The following IPCEF1 variants were observed in gnomAD, a reference collection of about 807,000 sequenced individuals.
IPCEF1 encodes the protein interaction protein for cytohesin exchange factors 1, also known as interactor protein for cytohesin exchange factors 1.
IPCEF1 carries 31 observed loss-of-function variants against 50.9 expected under a neutral mutation model. The observed-to-expected ratio is 0.61, with a 90% CI of 0.46 to 0.82. IPCEF1 has a LOEUF of 0.82. Ranked by LOEUF, IPCEF1 falls within the 40% of genes least tolerant of loss-of-function variation. The pLI is 0.00. For missense variants in IPCEF1, 458 were observed against 514.0 expected (o/e 0.89, Z 1.05); for synonymous variants, 181 against 192.0 (o/e 0.94, Z 0.47).
chr6:154,205,646 T>C (rs1431636397), intron 9 of IPCEF1, among the ~76,000 whole-genome samples: 1 of 152,164 alleles, frequency 6.6e-6, no homozygotes, highest in Admixed American at 6.5e-5. Flanking sequence ...TTATGTATTA[T>C]TATTTAATTA....
chr6:154,312,494 G>A (rs547156143), intron 1 of IPCEF1, among the ~76,000 whole-genome samples: 5 of 151,870 alleles, frequency 3.3e-5, no homozygotes, highest in African/African-American at 7.3e-5. Flanking sequence ...CTACAGGCAC[G>A]CACCACCACA....
intron 1 of IPCEF1, among the ~76,000 whole-genome samples, chr6:154,319,723 T>C (rs967744893): frequency 3.3e-5 from 5 of 152,226 alleles, no homozygotes; most frequent in African/African-American, 1.2e-4. Context: ...AAGCAGCAAG[T>C]GGCTCCGGGT....
intron 3 of IPCEF1, among the ~76,000 whole-genome samples, chr6:154,262,839 C>A (rs184025162): frequency 7.7e-6 from 1 of 130,542 alleles, no homozygotes; most frequent in Non-Finnish European, 1.5e-5. Context: ...TGCAGTGATG[C>A]AATCTCAGCT....
At chr6:154,320,348 T>G (rs1384815490) in intron 1 of IPCEF1, among the ~76,000 whole-genome samples, 3 of 152,212 alleles carry the variant, frequency 2.0e-5, no homozygotes, top group Non-Finnish European at 2.9e-5. Flanking sequence ...TTTTGGCTAC[T>G]TCACAGCTCA....
intron 5 of IPCEF1, among the ~76,000 whole-genome samples, chr6:154,229,018 G>A (rs1779492210): frequency 1.3e-5 from 2 of 152,306 alleles, no homozygotes; most frequent in East Asian, 1.9e-4. Flanking sequence ...TTCAACTTAG[G>A]TGTGACCATT....
At chr6:154,219,613 A>G (rs1778691678) in intron 7 of IPCEF1, among the ~76,000 whole-genome samples, 1 of 152,102 alleles carries the variant, frequency 6.6e-6, no homozygotes, top group Admixed American at 6.5e-5. Context: ...TTTGCTAACC[A>G]ACAGGATTTA....
chr6:154,191,252 A>T (rs1464488479), intron 10 of IPCEF1, among the ~76,000 whole-genome samples: 1 of 152,198 alleles, frequency 6.6e-6, no homozygotes. Flanking sequence ...GGGTAGAAGG[A>T]TGAATAGATG....
At position 154,198,633 on chromosome 6, in the gene IPCEF1, C is replaced by CAT. The variant is rs1258780002; in HGVS notation, c.910+1034_910+1035insAT. On this transcript the variant is annotated intron_variant, in intron 10 of 11. Coordinates refer to ENST00000367220, the MANE Select transcript of IPCEF1 (RefSeq NM_001130700.2). The stretch of plus-strand genomic sequence containing the variant: ...TTACATACTTTTAAAATATTACATA[C>CAT]ACACACACACACACACACACACACA... 2.0e-4 allele frequency among the ~76,000 whole-genome samples: 22 copies of CAT among 107,432 alleles called. 1 individual carries two copies. Among genetic ancestry groups the CAT allele is most frequent in the African/African-American group, 5.3e-4 (10 of 18,866 alleles). The allele number at this position is 107,432 out of a possible 152,430, so 70.5% of individuals were successfully genotyped here.
chr6:154,159,887 C>T lies in IPCEF1; in HGVS notation c.1258G>A (p.Asp420Asn). The T allele has an allele frequency of 1.2e-6, 2 of 1,613,512 alleles. No individual in the cohort carries two copies. The highest frequency in any genetic ancestry group is 1.7e-6 in the Non-Finnish European group (2 of 1,179,886). ...GATTTCTTGAGTTCCTGGGGGGTGTCATCAGTGTCATCAGGGGCAGGCGAA... is the reference window on the plus strand; with the variant it reads ...GATTTCTTGAGTTCCTGGGGGGTGTTATCAGTGTCATCAGGGGCAGGCGAA... ...RASPAPDDTD[D>N]TPQELKKSPS... Residue 420 changes from aspartate (D) to asparagine (N), a missense_variant, in exon 12 of 12, where the codon GAC (aspartate) becomes AAC (asparagine). Coordinates refer to ENST00000367220, the MANE Select transcript of IPCEF1 (RefSeq NM_001130700.2).
intron 11 of IPCEF1, among the ~76,000 whole-genome samples, chr6:154,163,929 G>A (rs1030546714): frequency 3.3e-5 from 5 of 152,164 alleles, no homozygotes; most frequent in Admixed American, 6.5e-5. Context: ...AGTGCAGTAG[G>A]AAAGCAGAGG....
At chr6:154,335,411 C>A (rs1783767546) in intron 1 of IPCEF1, among the ~76,000 whole-genome samples, 1 of 152,236 alleles carries the variant, frequency 6.6e-6, no homozygotes, top group Non-Finnish European at 1.5e-5. Context: ...TATGCCTTTT[C>A]TCCAGTTAAT....
chr6:154,334,731 G>A (rs1783753233), intron 1 of IPCEF1, among the ~76,000 whole-genome samples: 1 of 152,188 alleles, frequency 6.6e-6, no homozygotes, highest in Admixed American at 6.5e-5. Context: ...CCTTGGACAG[G>A]CCACTTAACT....
intron 1 of IPCEF1, chr6:154,306,725 T>C (rs138443617): frequency 3.9e-5 from 6 of 152,308 alleles, no homozygotes; most frequent in Non-Finnish European, 7.3e-5. Flanking sequence ...AGTGCCTTCG[T>C]AGGTTTCTTG....
chr6:154,328,302 C>T (rs773727217), intron 1 of IPCEF1, among the ~76,000 whole-genome samples: 5 of 152,200 alleles, frequency 3.3e-5, no homozygotes, highest in Admixed American at 6.5e-5. Context: ...CTGATGAACA[C>T]TAGGCTTGCC....
chr6:154,172,281 G>T (rs1239943662), intron 10 of IPCEF1, among the ~76,000 whole-genome samples: 1 of 152,194 alleles, frequency 6.6e-6, no homozygotes, highest in Non-Finnish European at 1.5e-5. Flanking sequence ...ATCTCATTGG[G>T]ACTGGTTGGA....
intron 2 of IPCEF1, among the ~76,000 whole-genome samples, chr6:154,278,365 C>T (rs1050729906): frequency 5.3e-5 from 8 of 152,070 alleles, no homozygotes; most frequent in African/African-American, 1.2e-4. Flanking sequence ...TGGACAGGTC[C>T]GGGAGAATGA....
chr6:154,321,778 TA>T (rs61648946), intron 1 of IPCEF1, among the ~76,000 whole-genome samples: 5,755 of 51,784 alleles, frequency 0.11, 97 homozygotes, highest in East Asian at 0.32. Context: ...AGACTCTTTC[TA>T]AAAAAAAAAA....
At chr6:154,223,734 A>T (rs2128618875) in intron 5 of IPCEF1, among the ~76,000 whole-genome samples, 1 of 152,332 alleles carries the variant, frequency 6.6e-6, no homozygotes, top group South Asian at 2.1e-4. Context: ...GGTTGTTGTG[A>T]CTTAAATGAG....
At chr6:154,315,504 A>T (rs1448571976) in intron 1 of IPCEF1, among the ~76,000 whole-genome samples, 1 of 152,156 alleles carries the variant, frequency 6.6e-6, no homozygotes, top group Non-Finnish European at 1.5e-5. Context: ...CCTTATTTTG[A>T]ACATAGTTAT....
Sources: gnomAD v4.1 joint callset for allele counts (sites outside exome capture counted in the v4.1 genomes callset) on GRCh38, gnomAD v4.1.1 for gene constraint, MANE v1.5 for transcripts, NCBI Gene and HGNC (gene_info 2026-07-23, HGNC 2026-07-21) for gene names.